The following ARHGAP24 variants were observed in gnomAD, a reference collection of about 807,000 sequenced individuals.
The protein encoded by ARHGAP24 is Rho GTPase activating protein 24, also known as rho GTPase-activating protein 24.
Under a neutral mutation model 76.4 loss-of-function variants are expected in ARHGAP24, and 50 were observed. The observed-to-expected ratio is 0.65, with a 90% CI of 0.52 to 0.83. ARHGAP24 has a LOEUF of 0.83. Among genes scored for constraint, ARHGAP24 ranks in the 40% least tolerant of loss-of-function variants. ARHGAP24 has a pLI of 0.00. For synonymous variants in ARHGAP24, 345 were observed against 323.3 expected (o/e 1.07, Z -0.72); for missense variants, 930 against 914.2 (o/e 1.02, Z -0.22).
At chr4:85,729,839 A>C (rs1161798367) in intron 3 of ARHGAP24, among the ~76,000 whole-genome samples, 1 of 152,194 alleles carries the variant, frequency 6.6e-6, no homozygotes, top group African/African-American at 2.4e-5. Flanking sequence ...ACCACTTAAA[A>C]ATGTAAAAAA....
chr4:85,795,352 G>A (rs912769794), intron 3 of ARHGAP24, among the ~76,000 whole-genome samples: 3 of 152,144 alleles, frequency 2.0e-5, no homozygotes, highest in African/African-American at 7.2e-5. Flanking sequence ...ATGCAATATG[G>A]TGTATTGGTT....
intron 1 of ARHGAP24, among the ~76,000 whole-genome samples, chr4:85,533,809 A>G (rs1725362303): frequency 6.6e-6 from 1 of 152,182 alleles, no homozygotes; most frequent in Non-Finnish European, 1.5e-5. Context: ...ATGTAATAAG[A>G]TCCCACTAAA....
intron 2 of ARHGAP24, among the ~76,000 whole-genome samples, chr4:85,596,546 T>G (rs185592462): frequency 1.7e-4 from 26 of 151,328 alleles, no homozygotes; most frequent in Non-Finnish European, 1.2e-4. Context: ...TGGCTTAGCT[T>G]GAGATGCCAG....
chr4:85,658,728 A>AT (rs1294244219), intron 2 of ARHGAP24, among the ~76,000 whole-genome samples: 1 of 152,168 alleles, frequency 6.6e-6, no homozygotes, highest in Non-Finnish European at 1.5e-5. Context: ...CACTCAAGCC[A>AT]TTTTTTCTCA....
intron 2 of ARHGAP24, among the ~76,000 whole-genome samples, chr4:85,717,979 A>G (rs1194894336): frequency 6.6e-6 from 1 of 152,052 alleles, no homozygotes; most frequent in African/African-American, 2.4e-5. Flanking sequence ...ACTTGTACTT[A>G]TTTATTAGTT....
chr4:85,889,939 C>A (rs1198554969), intron 3 of ARHGAP24, among the ~76,000 whole-genome samples: 2 of 151,960 alleles, frequency 1.3e-5, no homozygotes, highest in Non-Finnish European at 2.9e-5. Context: ...TTTTAATTGC[C>A]TCTTTTTCCT....
intron 5 of ARHGAP24, among the ~76,000 whole-genome samples, chr4:85,970,581 T>C (rs1364923935): frequency 1.3e-5 from 2 of 152,024 alleles, no homozygotes; most frequent in African/African-American, 4.8e-5. Flanking sequence ...GGGCCCAAAA[T>C]TGAGAGCTGA....
intron 1 of ARHGAP24, among the ~76,000 whole-genome samples, chr4:85,528,670 C>T (rs915516418): frequency 6.6e-6 from 1 of 151,956 alleles, no homozygotes; most frequent in African/African-American, 2.4e-5. Flanking sequence ...TCTTAACAAA[C>T]TATGTGTTTG....
intron 3 of ARHGAP24, among the ~76,000 whole-genome samples, chr4:85,877,143 G>GTGTTACAAAA (rs1732982764): frequency 2.0e-5 from 3 of 152,086 alleles, no homozygotes; most frequent in African/African-American, 7.2e-5. Flanking sequence ...ACAAAATGGG[G>GTGTTACAAAA]TAGCTCTTTA....
intron 3 of ARHGAP24, among the ~76,000 whole-genome samples, chr4:85,753,075 A>T (rs999142401): frequency 2.0e-5 from 3 of 152,154 alleles, no homozygotes; most frequent in Non-Finnish European, 4.4e-5. Flanking sequence ...ATATAAGAGG[A>T]TGTGAGAGTG....
rs1317976128 is a variant in ARHGAP24 at position 85,662,521 on chromosome 4, A to T, written c.181-59364A>T. ...TGCTGTGCAGAAGCTCTTTAGTTTA[A>T]TTAGATCCCATTTGTCAATTTTGTC... is the stretch of plus-strand genomic sequence containing the variant. On this transcript the variant is annotated intron_variant, in intron 2 of 9. Transcript: ENST00000395184. Among the ~76,000 whole-genome samples the T allele has an allele frequency of 4.0e-5, 6 of 151,464 alleles. No homozygotes were observed. The South Asian group carries it at 8.3e-4, about 21-fold the overall frequency.
chr4:85,828,863 G>C (rs1729851869), intron 3 of ARHGAP24, among the ~76,000 whole-genome samples: 1 of 151,896 alleles, frequency 6.6e-6, no homozygotes, highest in African/African-American at 2.4e-5. Context: ...ATATATAGGA[G>C]GTTTGTATTT....
At chr4:85,687,818 C>CT (rs796220750) in intron 2 of ARHGAP24, among the ~76,000 whole-genome samples, 2,314 of 146,244 alleles carry the variant, frequency 0.016, 65 homozygotes, top group African/African-American at 0.055. Flanking sequence ...GTTCTATTTT[C>CT]TTTTTTTTTT....
chr4:85,669,670 TATATATATATATATATATATATGTG>T (rs58598145), intron 2 of ARHGAP24, among the ~76,000 whole-genome samples: 4 of 66,524 alleles, frequency 6.0e-5, no homozygotes, highest in East Asian at 7.9e-3. Flanking sequence ...TATATATATA[TATATATATATATATATATATATGTG>T]ATATATATAG....
intron 3 of ARHGAP24, among the ~76,000 whole-genome samples, chr4:85,773,666 T>C (rs1727208503): frequency 6.6e-6 from 1 of 152,186 alleles, no homozygotes; most frequent in South Asian, 2.1e-4. Context: ...GTTAGTCTTC[T>C]TCTTTGTACC....
intron 1 of ARHGAP24, among the ~76,000 whole-genome samples, chr4:85,516,851 G>C (rs1257794512): frequency 6.6e-6 from 1 of 151,992 alleles, no homozygotes; most frequent in African/African-American, 2.4e-5. Context: ...ATAAGTCATA[G>C]CTGTAAGGGC....
intron 1 of ARHGAP24, among the ~76,000 whole-genome samples, chr4:85,500,764 C>T (rs1030065202): frequency 2.6e-5 from 4 of 151,980 alleles, no homozygotes; most frequent in Non-Finnish European, 4.4e-5. Flanking sequence ...ATGTGCACAA[C>T]GGGGAGGTTT....
At chr4:85,661,123 A>G (rs2109991939) in intron 2 of ARHGAP24, among the ~76,000 whole-genome samples, 1 of 152,306 alleles carries the variant, frequency 6.6e-6, no homozygotes. Flanking sequence ...TGCTGTAAAC[A>G]TGTTTTGTTA....
chr4:85,805,592 T>A (rs1039673169), intron 3 of ARHGAP24, among the ~76,000 whole-genome samples: 11 of 152,208 alleles, frequency 7.2e-5, no homozygotes, highest in African/African-American at 2.7e-4. Flanking sequence ...TCACAAATGA[T>A]TCCCCTGCTG....
Sources: gnomAD v4.1 joint callset for allele counts (sites outside exome capture counted in the v4.1 genomes callset) on GRCh38, gnomAD v4.1.1 for gene constraint, MANE v1.5 for transcripts, NCBI Gene and HGNC (gene_info 2026-07-23, HGNC 2026-07-21) for gene names.